Variants in GLIS3 observed in about 807,000 individuals in gnomAD.
GLIS3 encodes GLIS family zinc finger 3, also known as zinc finger protein GLIS3.
In GLIS3, 53 loss-of-function variants were observed where a neutral mutation model predicts 78.6. The ratio of observed to expected loss-of-function variants is 0.67; its 90% CI spans 0.54 to 0.85. The LOEUF (loss-of-function observed/expected upper bound fraction) is 0.85, where lower values mean the gene tolerates loss of function less well. Ranked by LOEUF, GLIS3 falls within the 40% of genes least tolerant of loss-of-function variation. GLIS3 has a pLI of 0.00. For synonymous variants in GLIS3, 684 were observed against 509.9 expected (o/e 1.34, Z -4.60); for missense variants, 1,703 against 1,231.1 (o/e 1.38, Z -5.74).
At chr9:4,270,769 C>G (rs990531183) in intron 2 of GLIS3, among the ~76,000 whole-genome samples, 2 of 152,208 alleles carry the variant, frequency 1.3e-5, no homozygotes, top group African/African-American at 4.8e-5. Flanking sequence ...CAGGCTGGAA[C>G]GATACCAATG....
intron 2 of GLIS3, among the ~76,000 whole-genome samples, chr9:4,263,075 T>C (rs1447293851): frequency 6.6e-6 from 1 of 152,236 alleles, no homozygotes; most frequent in African/African-American, 2.4e-5. Flanking sequence ...CTTTCTGGTT[T>C]ACATTTCACA....
intron 2 of GLIS3, among the ~76,000 whole-genome samples, chr9:4,159,777 G>A (rs1030597144): frequency 2.6e-5 from 4 of 152,026 alleles, no homozygotes; most frequent in African/African-American, 9.7e-5. Flanking sequence ...GTGCTTGGGG[G>A]TTGGCCCACA....
chr9:4,133,874 A>ATCTGT (rs1554711175), intron 2 of GLIS3, among the ~76,000 whole-genome samples: 1 of 123,918 alleles, frequency 8.1e-6, no homozygotes, highest in African/African-American at 3.1e-5. Context: ...ACACACACAC[A>ATCTGT]CCGTACATCT....
rs780636319 is a variant in GLIS3, at chr9:4,286,135, T to C, written c.291A>G (p.Arg97=). 1.2e-6 allele frequency: 2 copies of C among 1,613,732 alleles called. No individual in the cohort carries two copies. The highest frequency in any genetic ancestry group is 1.7e-6 in the Non-Finnish European group (2 of 1,179,614). The change falls in exon 2 of 11, where the codon CGA becomes CGG. Residue 97 remains arginine (R), a synonymous_variant. Transcript: ENST00000381971. ...RRQMLTNGKP[R]FQVTQAGGMS... ...TGCCTCCAGCCTGGGTGACCTGGAA[T>C]CGCGGCTTCCCATTGGTGAGCATTT...
At chr9:3,987,088 C>T (rs538666928) in intron 4 of GLIS3, among the ~76,000 whole-genome samples, 23 of 151,714 alleles carry the variant, frequency 1.5e-4, no homozygotes, top group Admixed American at 8.5e-4. Context: ...TCTTTTGAAA[C>T]AAATGGAAAA....
chr9:4,438,235 G>C, the GLIS3 span, among the ~76,000 whole-genome samples: 3 of 152,122 alleles, frequency 2.0e-5, no homozygotes, highest in Non-Finnish European at 4.4e-5. Context: ...CTAAAGTAAT[G>C]AATGTTCAGG....
intron 5 of GLIS3, chr9:3,932,981 A>G (rs1825706639): frequency 3.9e-6 from 1 of 254,238 alleles, no homozygotes; most frequent in Admixed American, 4.4e-5. Flanking sequence ...TGAGTAAGAG[A>G]CAGTAGGTTT....
intron 9 of GLIS3, among the ~76,000 whole-genome samples, chr9:3,845,285 A>T (rs1300293356): frequency 2.6e-5 from 4 of 152,182 alleles, no homozygotes; most frequent in East Asian, 1.9e-4. Flanking sequence ...GACTAAGTTT[A>T]AAAAAATCAA....
chr9:4,101,824 C>G (rs1446703699), intron 4 of GLIS3, among the ~76,000 whole-genome samples: 1 of 152,136 alleles, frequency 6.6e-6, no homozygotes, highest in African/African-American at 2.4e-5. Context: ...GTCACTGTAT[C>G]TCATGCCATC....
At chr9:4,164,883 C>G (rs914497580) in intron 2 of GLIS3, among the ~76,000 whole-genome samples, 5 of 152,180 alleles carry the variant, frequency 3.3e-5, no homozygotes, top group Non-Finnish European at 7.3e-5. Flanking sequence ...AAAAATAGCA[C>G]TGTTTAAACC....
chr9:3,897,747 G>A (rs73640918), intron 7 of GLIS3, among the ~76,000 whole-genome samples: 2,304 of 152,224 alleles, frequency 0.015, 56 homozygotes, highest in African/African-American at 0.053. Context: ...AATTTAAAAC[G>A]TTGTACAAGG....
intron 2 of GLIS3, among the ~76,000 whole-genome samples, chr9:4,217,365 C>G (rs569147989): frequency 1.2e-3 from 190 of 152,228 alleles, no homozygotes; most frequent in African/African-American, 4.3e-3. Flanking sequence ...GTCTTCATCC[C>G]AAGTCTATCA....
chr9:4,453,345 C>CAAAAAAA, the GLIS3 span, among the ~76,000 whole-genome samples: 49 of 91,616 alleles, frequency 5.3e-4, no homozygotes, highest in Middle Eastern at 7.7e-3. Flanking sequence ...TTCTGCACAG[C>CAAAAAAA]AAAAAAAAAA....
chr9:3,827,140 G>A lies in GLIS3; in HGVS notation c.*1132C>T, dbSNP rs1438824317. On this transcript the variant is annotated 3_prime_UTR_variant, in exon 11 of 11. Transcript: ENST00000381971. ...GGGATATATGAACCACAGTCAGGAAGAGGGTAAGAGGGATGCAAAAAGAGG... is the reference window on the plus strand; with the variant it reads ...GGGATATATGAACCACAGTCAGGAAAAGGGTAAGAGGGATGCAAAAAGAGG... The A allele has an allele frequency of 6.6e-6, 1 of 152,242 alleles. No individual in the cohort carries two copies. Among genetic ancestry groups the A allele is most frequent in the East Asian group, 1.9e-4 (1 of 5,204 alleles). The allele number at this position is 152,242 out of a possible 1,614,324, so 9.4% of individuals were successfully genotyped here.
the GLIS3 span, among the ~76,000 whole-genome samples, chr9:4,405,323 C>T: frequency 6.7e-6 from 1 of 149,022 alleles, no homozygotes; most frequent in East Asian, 2.0e-4. Flanking sequence ...CATTGCACTC[C>T]AGCCTGGGCA....
intron 7 of GLIS3, among the ~76,000 whole-genome samples, chr9:3,891,489 T>C (rs539751630): frequency 2.9e-4 from 44 of 152,198 alleles, no homozygotes; most frequent in Admixed American, 9.8e-4. Flanking sequence ...ATCACTTGAG[T>C]CCAGGAGTTT....
intron 4 of GLIS3, among the ~76,000 whole-genome samples, chr9:4,110,064 G>C (rs1831088277): frequency 6.6e-6 from 1 of 152,186 alleles, no homozygotes; most frequent in Non-Finnish European, 1.5e-5. Flanking sequence ...CTCCCAAAGG[G>C]AATGTCTCAT....
Position 3,842,585 on chromosome 9 carries a change from G to T in GLIS3, c.2474-13093C>A, listed in dbSNP as rs1018957466. ...CTCCGACTGGGGAGCCACGGTGAGA[G>T]GGCATTGAGCCCTACACTTGGTGTC... is the stretch of plus-strand genomic sequence containing the variant. On this transcript the variant is annotated intron_variant, in intron 9 of 10. Transcript: ENST00000381971. 3.3e-5 allele frequency among the ~76,000 whole-genome samples: 5 copies of T among 152,298 alleles called. No individual in the cohort carries two copies. The Middle Eastern group carries it at 0.014, about 414-fold the overall frequency.
At chr9:4,450,779 T>C in the GLIS3 span, among the ~76,000 whole-genome samples, 9 of 152,148 alleles carry the variant, frequency 5.9e-5, no homozygotes, top group African/African-American at 1.9e-4. Flanking sequence ...AATAAAATCC[T>C]TTACAGACAA....
Sources: gnomAD v4.1 joint callset for allele counts (sites outside exome capture counted in the v4.1 genomes callset) on GRCh38, gnomAD v4.1.1 for gene constraint, MANE v1.5 for transcripts, NCBI Gene and HGNC (gene_info 2026-07-23, HGNC 2026-07-21) for gene names.